The following CTPS1 variants were observed in gnomAD, a reference collection of about 807,000 sequenced individuals.
CTPS1 encodes the protein CTP synthase 1, also known as CTP synthetase 1.
Under a neutral mutation model 80.5 loss-of-function variants are expected in CTPS1, and 25 were observed. The ratio of observed to expected loss-of-function variants is 0.31; its 90% CI spans 0.23 to 0.43. CTPS1 has a LOEUF of 0.43. Ranked by LOEUF, CTPS1 falls within the 20% of genes least tolerant of loss-of-function variation. The probability of loss-of-function intolerance (pLI) is 1.00; values close to 1 mark genes in which losing one functional copy is unlikely to be tolerated. For missense variants in CTPS1, 442 were observed against 725.7 expected (o/e 0.61, Z 4.49); for synonymous variants, 267 against 252.5 (o/e 1.06, Z -0.54).
At position 40,984,880 on chromosome 1, in the gene CTPS1, C is replaced by T. The variant is rs1390666438; in HGVS notation, c.226C>T (p.Arg76Trp). 5.6e-6 allele frequency: 9 copies of T among 1,601,888 alleles called. No individual in the cohort carries two copies. Among genetic ancestry groups the T allele is most frequent in the East Asian group, 2.2e-5 (1 of 44,516 alleles). ...EVDLDLGNYE[R>W]FLDIRLTKDN... ...AGACCTTGACCTGGGTAACTATGAG[C>T]GGTTCCTTGACATCCGCCTCACCAA... The change falls in exon 3 of 19, where the codon CGG (arginine) becomes TGG (tryptophan). Residue 76 changes from arginine to tryptophan, a missense_variant. Transcript: ENST00000650070.
intron 1 of CTPS1, chr1:40,981,923 T>C: frequency 8.2e-7 from 1 of 1,214,918 alleles, no homozygotes; most frequent in Non-Finnish European, 1.1e-6. Flanking sequence ...TCTTGTTCCT[T>C]AGTTTATTTT....
chr1:40,993,496 A>G (rs1642669421), intron 7 of CTPS1, among the ~76,000 whole-genome samples: 2 of 151,898 alleles, frequency 1.3e-5, no homozygotes, highest in African/African-American at 4.8e-5. Flanking sequence ...GGACGCTACC[A>G]TGTTCAGCTG....
At position 41,006,077 on chromosome 1, in the gene CTPS1, A is replaced by G. The variant is rs1186087104; in HGVS notation, c.1279A>G (p.Thr427Ala). Reference sequence around the variant, plus strand: ...TGCCAATTCTACAGAGTTTGACCCTACGACCAGTCATCCCGTGGTGAGTCA... The same window carrying G: ...TGCCAATTCTACAGAGTTTGACCCTGCGACCAGTCATCCCGTGGTGAGTCA... ...QDANSTEFDP[T>A]TSHPVVVDMP... Residue 427 changes from threonine to alanine, a missense_variant, in exon 13 of 19, where the codon ACG (threonine) becomes GCG (alanine). Physicochemically the swap from Thr to Ala is moderately conservative, Grantham distance 58. This residue lies in a region of CTPS1 where 321 missense variants were observed against 467.2 expected (regional missense o/e 0.69). Coordinates refer to ENST00000650070, the MANE Select transcript of CTPS1 (RefSeq NM_001905.4). The G allele has an allele frequency of 1.9e-6, 3 of 1,613,618 alleles. No homozygotes were observed. The highest frequency in any genetic ancestry group is 2.5e-6 in the Non-Finnish European group (3 of 1,179,624).
At chr1:41,006,648 C>T (rs532038743) in intron 13 of CTPS1, among the ~76,000 whole-genome samples, 3 of 152,208 alleles carry the variant, frequency 2.0e-5, no homozygotes, top group South Asian at 2.1e-4. Flanking sequence ...GGAGGAGGGA[C>T]GATGCCTTTA....
chr1:40,984,885 C>T lies in CTPS1; in HGVS notation c.231C>T (p.Phe77=), dbSNP rs1642412040. The change falls in exon 3 of 19, where the codon TTC becomes TTT. Residue 77 remains phenylalanine, a synonymous_variant. Transcript: ENST00000650070. ...VDLDLGNYER[F]LDIRLTKDNN... ...TTGACCTGGGTAACTATGAGCGGTT[C>T]CTTGACATCCGCCTCACCAAGGACA... The T allele has an allele frequency of 1.2e-6, 2 of 1,604,712 alleles. No homozygotes were observed. The highest frequency in any genetic ancestry group is 3.4e-5 in the Admixed American group (2 of 59,212).
chr1:41,012,029 A>G lies in CTPS1; in HGVS notation c.*381A>G, dbSNP rs1039842208. ...CCTAGACCGTTATAAAGTGTGCCAC[A>G]TGGACTTACCGAGCATGGAGAGAGG... On this transcript the variant is annotated 3_prime_UTR_variant, in exon 19 of 19. Coordinates refer to ENST00000650070, the MANE Select transcript of CTPS1 (RefSeq NM_001905.4). 7 of 152,210 alleles carry G rather than the reference A, an allele frequency of 4.6e-5. No homozygotes were observed. Among genetic ancestry groups the G allele is most frequent in the Non-Finnish European group, 1.0e-4 (7 of 68,046 alleles). The allele number at this position is 152,210 out of a possible 1,614,324, so 9.4% of individuals were successfully genotyped here. A position where few individuals can be genotyped will look rare whatever the true frequency, so the allele number is the denominator to read the frequency against.
intron 18 of CTPS1, 127 bp downstream of exon 18, chr1:41,010,381 A>T: frequency 1.5e-6 from 1 of 657,554 alleles, no homozygotes; most frequent in East Asian, 2.7e-5. Context: ...GAGGTCTTGA[A>T]TATAATCCAG....
chr1:41,005,071 G>A (rs1184745007), intron 12 of CTPS1, among the ~76,000 whole-genome samples: 1 of 152,178 alleles, frequency 6.6e-6, no homozygotes. Context: ...GTAGGTTGCA[G>A]TGAGCCAAGA....
At chr1:41,003,669 G>A (rs1007384482) in intron 12 of CTPS1, among the ~76,000 whole-genome samples, 1 of 152,232 alleles carries the variant, frequency 6.6e-6, no homozygotes, top group Non-Finnish European at 1.5e-5. Flanking sequence ...GGGAGATAAT[G>A]TATGTAAATA....
At chr1:41,009,667 C>T (rs989599121) in intron 17 of CTPS1, 78 bp downstream of exon 17, 170 of 1,530,286 alleles carry the variant, frequency 1.1e-4, no homozygotes, top group Non-Finnish European at 1.4e-4. Flanking sequence ...TACAGCAACA[C>T]GTCACAGTCA....
At chr1:41,004,127 C>G (rs1307085447) in intron 12 of CTPS1, 2 of 152,290 alleles carry the variant, frequency 1.3e-5, no homozygotes, top group Non-Finnish European at 2.9e-5. Flanking sequence ...ACTGAGCATG[C>G]TGCACTGGGG....
intron 4 of CTPS1, among the ~76,000 whole-genome samples, chr1:40,987,776 C>T (rs563909662): frequency 2.1e-4 from 32 of 152,308 alleles, no homozygotes; most frequent in South Asian, 1.0e-3. Flanking sequence ...CTTTTGCTTT[C>T]GTCTGGCAAG....
intron 5 of CTPS1, among the ~76,000 whole-genome samples, chr1:40,989,324 T>G (rs1642541592): frequency 6.6e-6 from 1 of 152,188 alleles, no homozygotes; most frequent in Non-Finnish European, 1.5e-5. Context: ...TAGGGACAGT[T>G]GAGGGCAGTA....
intron 7 of CTPS1, among the ~76,000 whole-genome samples, chr1:40,994,118 T>A (rs899183923): frequency 1.3e-5 from 2 of 152,148 alleles, no homozygotes; most frequent in African/African-American, 4.8e-5. Context: ...ACAGACACTT[T>A]TAAATTTCGA....
At position 40,986,895 on chromosome 1, in the gene CTPS1, C is replaced by T. The variant is rs528406298; in HGVS notation, c.338-477C>T. Among the ~76,000 whole-genome samples the T allele has an allele frequency of 3.1e-4, 47 of 152,282 alleles. 1 individual carries two copies. The South Asian group carries it at 3.7e-3, about 12-fold the overall frequency. ...GGTTTGAATCCAGACATTCTGACCC[C>T]GGGTGCTGTGCTTCTAACCACTCTG... is the stretch of plus-strand genomic sequence containing the variant. On this transcript the variant is annotated intron_variant, in intron 3 of 18. Coordinates refer to ENST00000650070, the MANE Select transcript of CTPS1 (RefSeq NM_001905.4).
At chr1:40,982,946 A>T (rs1051225932) in intron 1 of CTPS1, among the ~76,000 whole-genome samples, 2 of 152,172 alleles carry the variant, frequency 1.3e-5, no homozygotes, top group Non-Finnish European at 2.9e-5. Flanking sequence ...GTCAGCAAAC[A>T]TTTGGGGTGT....
intron 1 of CTPS1, 198 bp from the exon 2 acceptor site, chr1:40,983,080 T>A (rs552389945): frequency 7.8e-5 from 37 of 472,428 alleles, no homozygotes; most frequent in Non-Finnish European, 1.2e-4. Context: ...CGTATTTGAC[T>A]AAAGCCATTC....
chr1:40,990,077 C>G (rs1353827073), intron 5 of CTPS1, among the ~76,000 whole-genome samples: 1 of 152,126 alleles, frequency 6.6e-6, no homozygotes, highest in Non-Finnish European at 1.5e-5. Context: ...GAACCTACCC[C>G]CCCGTATTTG....
chr1:41,009,897 G>C (rs1268460191), intron 17 of CTPS1, among the ~76,000 whole-genome samples: 1 of 152,222 alleles, frequency 6.6e-6, no homozygotes, highest in East Asian at 1.9e-4. Flanking sequence ...GTAGGTTTAT[G>C]TCCCATTGCC....
Sources: gnomAD v4.1 joint callset for allele counts (sites outside exome capture counted in the v4.1 genomes callset) on GRCh38, gnomAD v4.1.1 for gene constraint, gnomAD v4.1.1 regional missense constraint, MANE v1.5 for transcripts, NCBI Gene and HGNC (gene_info 2026-07-23, HGNC 2026-07-21) for gene names.